Variants in CAB39 observed in about 807,000 individuals in gnomAD.
CAB39 encodes the protein calcium binding protein 39.
CAB39 carries 8 observed loss-of-function variants against 40.0 expected under a neutral mutation model. That is an observed-to-expected ratio of 0.20 (90% confidence interval 0.12 to 0.36). CAB39 has a LOEUF of 0.36. Among genes scored for constraint, CAB39 ranks in the 10% least tolerant of loss-of-function variants. The pLI is 1.00. For synonymous variants in CAB39, 156 were observed against 141.6 expected, an observed-to-expected ratio of 1.10 and a Z score of -0.72; for missense variants, 270 against 401.1, an observed-to-expected ratio of 0.67 and a Z score of 2.79.
At chr2:230,767,866 C>T (rs1695415009) in intron 2 of CAB39, among the ~76,000 whole-genome samples, 1 of 152,140 alleles carries the variant, frequency 6.6e-6, no homozygotes, top group Non-Finnish European at 1.5e-5. Context: ...GGTTCTTTCC[C>T]TAGTGCTCTA....
At chr2:230,774,154 G>GT in intron 2 of CAB39, among the ~76,000 whole-genome samples, 1 of 152,158 alleles carries the variant, frequency 6.6e-6, no homozygotes, top group Non-Finnish European at 1.5e-5. Flanking sequence ...TTCACACCTA[G>GT]CTCTGCCAAA....
At chr2:230,754,380 T>TTACCCTCCTTCTTCCC (rs1178436854) in intron 1 of CAB39, among the ~76,000 whole-genome samples, 1 of 134,922 alleles carries the variant, frequency 7.4e-6, no homozygotes, top group Non-Finnish European at 1.6e-5. Flanking sequence ...TCTGCCTTCC[T>TTACCCTCCTTCTTCCC]CTTCCCCTCC....
Position 230,748,831 on chromosome 2 carries a change from A to AAAAAAT in CAB39, c.-43-11127_-43-11126insAAAATA, listed in dbSNP as rs1386799920. Among the ~76,000 whole-genome samples the AAAAAAT allele has an allele frequency of 3.1e-3, 89 of 28,496 alleles. 2 individuals carry two copies. Among genetic ancestry groups the AAAAAAT allele is most frequent in the Non-Finnish European group, 4.3e-3 (67 of 15,762 alleles). 18.7% of individuals were successfully genotyped at this position (28,496 alleles called of 152,430 possible). ...CCAAAAAGAAAAAAAAAAAAAAAAA[A>AAAAAAT]ATATATATATATATATATATATATA... On this transcript the variant is annotated intron_variant, in intron 1 of 8. Transcript: ENST00000258418.
At chr2:230,803,741 C>T (rs900868005) in intron 5 of CAB39, among the ~76,000 whole-genome samples, 2 of 152,060 alleles carry the variant, frequency 1.3e-5, no homozygotes, top group East Asian at 1.9e-4. Context: ...CACTGCTCAA[C>T]GAAATAGAAG....
At chr2:230,752,406 C>T (rs536189275) in intron 1 of CAB39, among the ~76,000 whole-genome samples, 6 of 152,260 alleles carry the variant, frequency 3.9e-5, no homozygotes, top group Admixed American at 2.6e-4. Flanking sequence ...GTTCTGAAGA[C>T]TAAGTCCCAG....
intron 6 of CAB39, 34 bp from the exon 7 acceptor site, chr2:230,814,009 TTTTGGC>T: frequency 4.4e-6 from 2 of 454,850 alleles, no homozygotes; most frequent in Non-Finnish European, 8.2e-6. Flanking sequence ...TTTTTTTTTT[TTTTGGC>T]AATAACCCTG....
intron 7 of CAB39, among the ~76,000 whole-genome samples, chr2:230,817,388 G>A (rs1241060093): frequency 6.6e-6 from 1 of 152,190 alleles, no homozygotes; most frequent in Non-Finnish European, 1.5e-5. Flanking sequence ...TTAGTTAACA[G>A]GAATAATCAA....
At chr2:230,715,765 C>T (rs1350341135) in intron 1 of CAB39, among the ~76,000 whole-genome samples, 1 of 152,156 alleles carries the variant, frequency 6.6e-6, no homozygotes, top group African/African-American at 2.4e-5. Flanking sequence ...TGCAGTGGTG[C>T]GAACATGGCT....
At chr2:230,817,948 C>T (rs1368410155) in intron 8 of CAB39, 51 bp downstream of exon 8, 1 of 1,505,486 alleles carries the variant, frequency 6.6e-7, no homozygotes, top group Admixed American at 2.2e-5. Context: ...TGTTCGTCGT[C>T]TTTCATTCGC....
chr2:230,716,976 G>A (rs1694361743), intron 1 of CAB39, among the ~76,000 whole-genome samples: 1 of 152,094 alleles, frequency 6.6e-6, no homozygotes, highest in East Asian at 1.9e-4. Context: ...GCAGCCTGAG[G>A]TGACAGAGTG....
chr2:230,727,363 CGT>C (rs10542723), intron 1 of CAB39, among the ~76,000 whole-genome samples: 24,292 of 126,670 alleles, frequency 0.19, 2,333 homozygotes, highest in East Asian at 0.27. Flanking sequence ...GATTGTTAAC[CGT>C]GTGTGTGTGT....
intron 1 of CAB39, among the ~76,000 whole-genome samples, chr2:230,730,422 C>G (rs938403341): frequency 1.3e-5 from 2 of 150,204 alleles, no homozygotes; most frequent in African/African-American, 2.5e-5. Context: ...TGACTAAAAA[C>G]TATACATTAG....
At chr2:230,809,171 A>G (rs1341823025) in intron 5 of CAB39, among the ~76,000 whole-genome samples, 6 of 152,140 alleles carry the variant, frequency 3.9e-5, no homozygotes, top group Non-Finnish European at 8.8e-5. Flanking sequence ...AGTAGGTGAC[A>G]AAAGAGCTCC....
chr2:230,781,678 C>G (rs1695688879), intron 2 of CAB39, among the ~76,000 whole-genome samples: 1 of 152,022 alleles, frequency 6.6e-6, no homozygotes, highest in Admixed American at 6.5e-5. Context: ...GAATACCTTA[C>G]TCAGTAGGTG....
Position 230,817,902 on chromosome 2 carries a change from A to C in CAB39, c.837+5A>C. ...GAGGCCTTTCACGTTTTTAAGGTAG[A>C]GTACTAGAAGCATCAGTGATACTGT... On this transcript the variant is annotated splice_donor_5th_base_variant and intron_variant, in intron 8 of 8. Transcript: ENST00000258418. 6.2e-7 allele frequency: 1 copy of C among 1,605,406 alleles called. No individual in the cohort carries two copies. Among genetic ancestry groups the C allele is most frequent in the Non-Finnish European group, 8.5e-7 (1 of 1,177,774 alleles).
At chr2:230,735,044 T>C (rs560236828) in intron 1 of CAB39, among the ~76,000 whole-genome samples, 1 of 152,354 alleles carries the variant, frequency 6.6e-6, no homozygotes, top group Non-Finnish European at 1.5e-5. Context: ...ATTTACATTG[T>C]GCTCTTTGCT....
At chr2:230,743,074 T>C (rs1467711027) in intron 1 of CAB39, among the ~76,000 whole-genome samples, 1 of 152,238 alleles carries the variant, frequency 6.6e-6, no homozygotes, top group Admixed American at 6.5e-5. Flanking sequence ...CCGTTCCTTA[T>C]GAATAGCTTT....
At chr2:230,813,289 A>G (rs1696336179) in intron 6 of CAB39, among the ~76,000 whole-genome samples, 1 of 152,202 alleles carries the variant, frequency 6.6e-6, no homozygotes, top group Non-Finnish European at 1.5e-5. Flanking sequence ...TCTAGCCTTC[A>G]CCATCCAGCA....
chr2:230,780,110 CA>C (rs1695660569), intron 2 of CAB39, among the ~76,000 whole-genome samples: 1 of 152,140 alleles, frequency 6.6e-6, no homozygotes, highest in South Asian at 2.1e-4. Context: ...CACAATTGCA[CA>C]GGGGGTACCT....
Sources: gnomAD v4.1 joint callset for allele counts (sites outside exome capture counted in the v4.1 genomes callset) on GRCh38, gnomAD v4.1.1 for gene constraint, MANE v1.5 for transcripts, NCBI Gene and HGNC (gene_info 2026-07-23, HGNC 2026-07-21) for gene names.